Variants in C6orf141 observed in about 807,000 individuals in gnomAD.
C6orf141 encodes uncharacterized protein C6orf141.
For synonymous variants in C6orf141, 164 were observed against 140.5 expected (o/e 1.17, Z -1.18); for missense variants, 361 against 335.8 (o/e 1.07, Z -0.59).
chr6:49,559,145 T>G (rs1772714684), intron 4 of C6orf141, among the ~76,000 whole-genome samples: 1 of 137,284 alleles, frequency 7.3e-6, no homozygotes, highest in Non-Finnish European at 1.6e-5. Flanking sequence ...TATTTTACCA[T>G]ATATGATCTG....
Position 49,551,479 on chromosome 6 carries a change from G to T in C6orf141, c.687G>T (p.Arg229Ser). 6.4e-7 allele frequency: 1 copy of T among 1,551,604 alleles called. No individual in the cohort carries two copies. Among genetic ancestry groups the T allele is most frequent in the Non-Finnish European group, 8.7e-7 (1 of 1,147,006 alleles). ...TGASRVHAAG[R>S]RVSPSPGTWL... The stretch of plus-strand genomic sequence containing the variant: ...CATCCCGCGTCCACGCCGCGGGGAG[G>T]AGGGTTTCACCGTCTCCAGGGACTT... The change falls in exon 1 of 1, where the codon AGG (arginine) becomes AGT (serine). Residue 229 changes from arginine (R) to serine (S), a missense_variant. By Grantham distance (110) the Arg-to-Ser change is moderately radical (BLOSUM62 -1). Transcript: ENST00000529246.
At position 49,551,735 on chromosome 6, in the gene C6orf141, C is replaced by A. The variant is rs1202638057; in HGVS notation, c.*208C>A. 1 of 1,411,454 alleles carries A rather than the reference C, an allele frequency of 7.1e-7. No individual in the cohort carries two copies. Among genetic ancestry groups the A allele is most frequent in the Admixed American group, 3.2e-5 (1 of 30,806 alleles). The allele number at this position is 1,411,454 out of a possible 1,614,324, so 87.4% of individuals were successfully genotyped here. On this transcript the variant is annotated 3_prime_UTR_variant, in exon 1 of 1. Coordinates refer to ENST00000529246, the MANE Select transcript of C6orf141 (RefSeq NM_001145652.2). Reference sequence around the variant, plus strand: ...TCCTTCGCTGTCTGGGGACCTAAGTCATTCAGAAGAGGTGGAGAAAAGATA... The same window carrying A: ...TCCTTCGCTGTCTGGGGACCTAAGTAATTCAGAAGAGGTGGAGAAAAGATA...
At chr6:49,556,111 T>C (rs1481530444), downstream of C6orf141, among the ~76,000 whole-genome samples, 2 of 152,210 alleles carry the variant, frequency 1.3e-5, no homozygotes, top group South Asian at 2.1e-4. Flanking sequence ...AGAAGGTTTT[T>C]AGAAAAGTAG....
downstream of C6orf141, among the ~76,000 whole-genome samples, chr6:49,554,537 T>A (rs577446113): frequency 6.3e-4 from 31 of 49,490 alleles, no homozygotes; most frequent in African/African-American, 1.5e-3. Context: ...CCCGCCACCA[T>A]GCCTGGCTAG....
At chr6:49,561,731 C>T (rs1773340207) in exon 5 of C6orf141, 1 of 151,936 alleles carries the variant, frequency 6.6e-6, no homozygotes, top group Admixed American at 6.6e-5. Context: ...GTCACCCAGC[C>T]TGGAATGTAG....
chr6:49,550,835 G>C lies in C6orf141; in HGVS notation c.43G>C (p.Gly15Arg). The C allele has an allele frequency of 6.7e-7, 1 of 1,482,612 alleles. No individual in the cohort carries two copies. The highest frequency in any genetic ancestry group is 8.9e-7 in the Non-Finnish European group (1 of 1,119,712). 91.8% of individuals were successfully genotyped at this position (1,482,612 alleles called of 1,614,324 possible). The change falls in exon 1 of 1, where the codon GGA (glycine) becomes CGA (arginine). Residue 15 changes from glycine (G) to arginine (R), a missense_variant. Transcript: ENST00000529246. Reference sequence around the variant, plus strand: ...CAGGATGGAGACCCGGGGGCCTCAGGGAGCTGCGAATCCCATGGACTCCTC... The same window carrying C: ...CAGGATGGAGACCCGGGGGCCTCAGCGAGCTGCGAATCCCATGGACTCCTC... ...FARMETRGPQ[G>R]AANPMDSSRS... is the part of the protein sequence containing the mutation.
chr6:49,560,566 T>A (rs1186823173), intron 4 of C6orf141: 1 of 152,314 alleles, frequency 6.6e-6, no homozygotes, highest in Non-Finnish European at 1.5e-5. Flanking sequence ...AATGGCACGA[T>A]CTGAGCTCAC....
chr6:49,552,314 A>G (rs1770833278), downstream of C6orf141: 1 of 152,234 alleles, frequency 6.6e-6, no homozygotes, highest in Non-Finnish European at 1.5e-5. Flanking sequence ...ATAGTTCTTC[A>G]TTAATGAGAC....
chr6:49,554,799 G>A (rs1339543538), downstream of C6orf141: 2 of 152,096 alleles, frequency 1.3e-5, no homozygotes. Context: ...CATGTTTATA[G>A]ATTTCATTTA....
intron 4 of C6orf141, among the ~76,000 whole-genome samples, chr6:49,557,982 C>T (rs949960038): frequency 5.3e-5 from 8 of 151,892 alleles, no homozygotes; most frequent in African/African-American, 1.7e-4. Context: ...ACCTCCGCCT[C>T]CCGGGTTCAA....
At chr6:49,554,023 A>T (rs537464395), downstream of C6orf141, among the ~76,000 whole-genome samples, 3 of 152,350 alleles carry the variant, frequency 2.0e-5, no homozygotes, top group South Asian at 6.2e-4. Context: ...TCCTGAAAGA[A>T]AGGACTTATT....
chr6:49,551,368 G>C lies in C6orf141; in HGVS notation c.576G>C (p.Ala192=). ...GGACTGAGGAGCACTTCGTGACCGC[G>C]CTCACTTTTCGCAGCAGTAGAGAGG... ...TTRTEEHFVT[A]LTFRSSREGQ... The change falls in exon 1 of 1, where the codon GCG becomes GCC. Residue 192 remains alanine (A), a synonymous_variant. Transcript: ENST00000529246. 6.4e-7 allele frequency: 1 copy of C among 1,551,692 alleles called. No homozygotes were observed. The highest frequency in any genetic ancestry group is 8.7e-7 in the Non-Finnish European group (1 of 1,146,976).
chr6:49,560,011 C>A (rs555597609), intron 4 of C6orf141, among the ~76,000 whole-genome samples: 8 of 152,170 alleles, frequency 5.3e-5, no homozygotes, highest in African/African-American at 1.4e-4. Context: ...AATGAAATAA[C>A]CTTATATTAG....
At chr6:49,554,571 C>A (rs148087612), downstream of C6orf141, among the ~76,000 whole-genome samples, 1 of 152,092 alleles carries the variant, frequency 6.6e-6, no homozygotes, top group East Asian at 1.9e-4. Flanking sequence ...TTAGTAGAGA[C>A]GGGGTTTCAC....
chr6:49,551,446 A>C lies in C6orf141; in HGVS notation c.654A>C (p.Arg218=). 1 of 1,551,538 alleles carries C rather than the reference A, an allele frequency of 6.4e-7. No homozygotes were observed. Among genetic ancestry groups the C allele is most frequent in the Non-Finnish European group, 8.7e-7 (1 of 1,146,958 alleles). Residue 218 remains arginine, a synonymous_variant, in exon 1 of 1, where the codon CGA becomes CGC. Transcript: ENST00000529246. Reference sequence around the variant, plus strand: ...CTGAATCCCGGGCTCTCCAGGCACGAACAGGGGCATCCCGCGTCCACGCCG... The same window carrying C: ...CTGAATCCCGGGCTCTCCAGGCACGCACAGGGGCATCCCGCGTCCACGCCG... The part of the protein sequence containing the change: ...GPAESRALQA[R]TGASRVHAAG...
At chr6:49,559,907 A>T (rs1316247987) in intron 4 of C6orf141, among the ~76,000 whole-genome samples, 3 of 152,206 alleles carry the variant, frequency 2.0e-5, no homozygotes, top group Non-Finnish European at 4.4e-5. Context: ...GGACTTTCCA[A>T]TCCAGCCTCA....
downstream of C6orf141, among the ~76,000 whole-genome samples, chr6:49,554,069 A>G (rs1325253199): frequency 6.6e-6 from 1 of 152,208 alleles, no homozygotes; most frequent in Non-Finnish European, 1.5e-5. Flanking sequence ...ATCAGTAAGT[A>G]TATTTCTTAA....
rs1268341165 is a variant in C6orf141 at position 49,550,948 on chromosome 6, A to T, written c.156A>T (p.Ala52=). The T allele has an allele frequency of 1.3e-6, 2 of 1,548,708 alleles. No homozygotes were observed. Reference sequence around the variant, plus strand: ...CGGGCGCCCGGAATCCCGCGACGGCAGGGGCGAGCCGAAGCCAGGGCGGCG... The same window carrying T: ...CGGGCGCCCGGAATCCCGCGACGGCTGGGGCGAGCCGAAGCCAGGGCGGCG... The part of the protein sequence containing the change: ...LAPGARNPAT[A]GASRSQGGGH... The change falls in exon 1 of 1, where the codon GCA becomes GCT. Residue 52 remains alanine (A), a synonymous_variant. Coordinates refer to ENST00000529246, the MANE Select transcript of C6orf141 (RefSeq NM_001145652.2).
intron 4 of C6orf141, among the ~76,000 whole-genome samples, chr6:49,557,876 A>C (rs1772276631): frequency 6.6e-6 from 1 of 151,824 alleles, no homozygotes. Flanking sequence ...CTCTCCCCTA[A>C]TGCAATAGTT....
Sources: allele counts gnomAD v4.1 joint callset (sites outside exome capture counted in the v4.1 genomes callset), GRCh38; gene constraint gnomAD v4.1.1; transcripts MANE v1.5; gene names NCBI Gene and HGNC (gene_info 2026-07-23, HGNC 2026-07-21).